The following ALDH1A1 variants were observed in gnomAD, a reference collection of about 807,000 sequenced individuals.
ALDH1A1 encodes the protein aldehyde dehydrogenase 1 family member A1, also known as aldehyde dehydrogenase 1A1.
ALDH1A1 carries 19 observed loss-of-function variants against 62.1 expected under a neutral mutation model. That is an observed-to-expected ratio of 0.31 (90% CI 0.21 to 0.45). The LOEUF is 0.45. Among genes scored for constraint, ALDH1A1 ranks in the 20% least tolerant of loss-of-function variants. The probability of loss-of-function intolerance (pLI) is 1.00; values close to 1 mark genes in which losing one functional copy is unlikely to be tolerated. For missense variants in ALDH1A1, 521 were observed against 607.1 expected, an observed-to-expected ratio of 0.86 and a Z score of 1.49; for synonymous variants, 231 against 215.9, an observed-to-expected ratio of 1.07 and a Z score of -0.61.
chr9:72,915,759 T>A (rs2118505204), intron 9 of ALDH1A1, among the ~76,000 whole-genome samples: 1 of 152,354 alleles, frequency 6.6e-6, no homozygotes, highest in East Asian at 1.9e-4. Context: ...TTACTTGGAC[T>A]GTAAACTCCA....
intron 11 of ALDH1A1, among the ~76,000 whole-genome samples, chr9:72,908,938 G>A (rs949121921): frequency 1.3e-4 from 20 of 152,174 alleles, no homozygotes; most frequent in Non-Finnish European, 2.2e-4. Context: ...AGAGTAAGAA[G>A]GCCGATATAA....
At chr9:72,912,666 C>A (rs952618184) in intron 9 of ALDH1A1, among the ~76,000 whole-genome samples, 1 of 152,108 alleles carries the variant, frequency 6.6e-6, no homozygotes, top group Non-Finnish European at 1.5e-5. Context: ...CCATAGTCTG[C>A]GCACCCTTCC....
At chr9:72,919,772 G>T (rs559845199) in intron 7 of ALDH1A1, among the ~76,000 whole-genome samples, 3 of 152,312 alleles carry the variant, frequency 2.0e-5, no homozygotes, top group African/African-American at 7.2e-5. Flanking sequence ...CTGGATGAAA[G>T]AAATGGGATC....
intron 2 of ALDH1A1, among the ~76,000 whole-genome samples, chr9:72,934,012 TCTCAAACCCCTGGG>T (rs1830317580): frequency 6.6e-6 from 1 of 152,250 alleles, no homozygotes; most frequent in African/African-American, 2.4e-5. Context: ...TCCAGGCTGG[TCTCAAACCCCTGGG>T]CTCAAGTGAT....
intron 2 of ALDH1A1, among the ~76,000 whole-genome samples, chr9:72,931,358 T>C (rs1184151385): frequency 6.6e-6 from 1 of 152,230 alleles, no homozygotes; most frequent in African/African-American, 2.4e-5. Context: ...TTCTCATTAA[T>C]TTTATGGCAC....
chr9:72,933,647 G>T (rs1188166112), intron 2 of ALDH1A1, among the ~76,000 whole-genome samples: 1 of 151,402 alleles, frequency 6.6e-6, no homozygotes, highest in Non-Finnish European at 1.5e-5. Flanking sequence ...AGAAATTGGG[G>T]TATGTTACCT....
At chr9:72,921,503 C>CTTTTTTTTTTTTTTTTTTATT (rs11327072) in intron 7 of ALDH1A1, among the ~76,000 whole-genome samples, 1 of 109,502 alleles carries the variant, frequency 9.1e-6, no homozygotes. Context: ...ACATTTAATT[C>CTTTTTTTTTTTTTTTTTTATT]TTTTTTTTTT....
At chr9:72,930,176 C>T (rs1388943630) in intron 3 of ALDH1A1, among the ~76,000 whole-genome samples, 1 of 152,040 alleles carries the variant, frequency 6.6e-6, no homozygotes, top group East Asian at 1.9e-4. Flanking sequence ...TCATAATGCC[C>T]AATTGAGACA....
At chr9:72,941,617 A>G (rs1830415231) in intron 1 of ALDH1A1, among the ~76,000 whole-genome samples, 1 of 152,312 alleles carries the variant, frequency 6.6e-6, no homozygotes, top group African/African-American at 2.4e-5. Flanking sequence ...TTTTAGCCTC[A>G]GTAAAAAATT....
At chr9:72,941,356 A>T (rs1390917043) in intron 1 of ALDH1A1, among the ~76,000 whole-genome samples, 1 of 152,192 alleles carries the variant, frequency 6.6e-6, no homozygotes, top group Non-Finnish European at 1.5e-5. Context: ...TTCCCCGGTG[A>T]TCACTAGCAT....
intron 2 of ALDH1A1, among the ~76,000 whole-genome samples, chr9:72,935,552 T>C (rs8187907): frequency 6.6e-6 from 1 of 152,192 alleles, no homozygotes; most frequent in African/African-American, 2.4e-5. Context: ...GGCACTTACT[T>C]TAACGGACAT....
chr9:72,930,885 C>G lies in ALDH1A1; in HGVS notation c.306G>C (p.Leu102=), dbSNP rs1391373397. 8 of 1,613,986 alleles carry G rather than the reference C, an allele frequency of 5.0e-6. No individual in the cohort carries two copies. Among genetic ancestry groups the G allele is most frequent in the Non-Finnish European group, 6.8e-6 (8 of 1,179,920 alleles). Residue 102 remains leucine, a synonymous_variant, in exon 3 of 13, where the codon CTG becomes CTC. Coordinates refer to ENST00000297785, the MANE Select transcript of ALDH1A1 (RefSeq NM_000689.5). ...CAGCTTGGATAATACTCACCGCCAG[C>G]AGCAGACGATCTCTTTCGATTAAAT... ...LADLIERDRL[L]LATMESMNGG...
intron 8 of ALDH1A1, 64 bp from the exon 9 acceptor site, chr9:72,917,168 C>G: frequency 8.2e-7 from 1 of 1,218,340 alleles, no homozygotes; most frequent in Non-Finnish European, 1.0e-6. Flanking sequence ...ATATGTTTCT[C>G]AGAGGCAACA....
At chr9:72,933,631 G>GA (rs79237682) in intron 2 of ALDH1A1, among the ~76,000 whole-genome samples, 140,899 of 147,162 alleles carry the variant, frequency 0.96, 67,674 homozygotes, top group Non-Finnish European at 0.99. Flanking sequence ...CAAGACAAAA[G>GA]AAAAAAGAAA....
chr9:72,909,466 G>T, intron 11 of ALDH1A1, 136 bp downstream of exon 11: 2 of 872,674 alleles, frequency 2.3e-6, no homozygotes, highest in Non-Finnish European at 3.3e-6. Flanking sequence ...CCTTTTGTTT[G>T]TTTTTCAAGG....
rs1830175983 is a variant in ALDH1A1 at position 72,924,107 on chromosome 9, T to C, written c.659A>G (p.Asn220Ser). 6.2e-7 allele frequency: 1 copy of C among 1,612,034 alleles called. No individual in the cohort carries two copies. The highest frequency in any genetic ancestry group is 8.5e-7 in the Non-Finnish European group (1 of 1,178,994). The change falls in exon 7 of 13, where the codon AAT becomes AGT. Residue 220 changes from asparagine to serine, a missense_variant. Asn to Ser is a conservative substitution (Grantham distance 46). Transcript: ENST00000297785. ...KEAGFPPGVV[N>S]IVPGYGPTAG... ...TGTAGGCCCATAACCAGGAACAATA[T>C]TCACTACTCCAGGAGGAAACCCTGC...
In ALDH1A1 at chr9:72,909,625, AGAG is replaced by A; in HGVS notation, c.1332_1334del (p.Ser445del). ...ACCACACTGTTCCTGCCTGCAGAGC[AGAG>A]GAGATTGTTATGGCTTTATCAATGT... On this transcript the variant is annotated inframe_deletion, in exon 11 of 13. Transcript: ENST00000297785. The A allele has an allele frequency of 6.2e-7, 1 of 1,613,964 alleles. No individual in the cohort carries two copies. Among genetic ancestry groups the A allele is most frequent in the Non-Finnish European group, 8.5e-7 (1 of 1,179,904 alleles).
At chr9:72,921,603 C>T (rs1359372773) in intron 7 of ALDH1A1, among the ~76,000 whole-genome samples, 1 of 148,042 alleles carries the variant, frequency 6.8e-6, no homozygotes, top group African/African-American at 2.5e-5. Flanking sequence ...ATACATGTGC[C>T]ATGCTGGTGC....
intron 1 of ALDH1A1, among the ~76,000 whole-genome samples, chr9:72,950,194 A>C (rs1231882092): frequency 1.3e-5 from 2 of 151,902 alleles, no homozygotes; most frequent in Non-Finnish European, 2.9e-5. Flanking sequence ...GTACGCATTA[A>C]GTTCGTTTAA....
Sources: gnomAD v4.1 joint callset for allele counts (sites outside exome capture counted in the v4.1 genomes callset) on GRCh38, gnomAD v4.1.1 for gene constraint, MANE v1.5 for transcripts, NCBI Gene and HGNC (gene_info 2026-07-23, HGNC 2026-07-21) for gene names.